Variants in HSF2BP observed in about 807,000 individuals in gnomAD.
HSF2BP encodes the protein heat shock transcription factor 2 binding protein, also known as heat shock factor 2-binding protein.
HSF2BP carries 35 observed loss-of-function variants against 35.0 expected under a neutral mutation model. That is an observed-to-expected ratio of 1.00 (90% CI 0.76 to 1.32). The LOEUF is 1.32. Ranked by LOEUF, HSF2BP falls within the 40% of genes most tolerant of loss-of-function variation. HSF2BP has a pLI of 0.00. For missense variants in HSF2BP, 326 were observed against 321.7 expected (o/e 1.01, Z -0.10); for synonymous variants, 114 against 117.4 (o/e 0.97, Z 0.18).
chr21:43,604,290 ACAC>A (rs1601651364), intron 7 of HSF2BP, among the ~76,000 whole-genome samples: 1 of 147,696 alleles, frequency 6.8e-6, no homozygotes, highest in African/African-American at 2.5e-5. Flanking sequence ...CACATCACAC[ACAC>A]CACACACACC....
chr21:43,629,702 T>C (rs561094088), intron 6 of HSF2BP, among the ~76,000 whole-genome samples: 49 of 152,304 alleles, frequency 3.2e-4, no homozygotes, highest in Non-Finnish European at 6.0e-4. Context: ...AAAGGATAAG[T>C]TGCTTCTTAT....
chr21:43,621,853 C>T (rs2146959125), intron 6 of HSF2BP, among the ~76,000 whole-genome samples: 1 of 152,142 alleles, frequency 6.6e-6, no homozygotes, highest in South Asian at 2.1e-4. Flanking sequence ...ATAAAACACA[C>T]TGGTACACAG....
At chr21:43,610,376 C>T (rs2082188370) in intron 7 of HSF2BP, among the ~76,000 whole-genome samples, 1 of 150,814 alleles carries the variant, frequency 6.6e-6, no homozygotes, top group African/African-American at 2.4e-5. Flanking sequence ...ATCACTTGAG[C>T]TTAGGAGTTT....
intron 7 of HSF2BP, among the ~76,000 whole-genome samples, chr21:43,613,123 CAG>C (rs2082229450): frequency 6.6e-6 from 1 of 152,174 alleles, no homozygotes; most frequent in African/African-American, 2.4e-5. Context: ...AGAATAAAAG[CAG>C]AGAGAGTTTC....
intron 6 of HSF2BP, among the ~76,000 whole-genome samples, chr21:43,622,328 G>A (rs944603340): frequency 5.3e-5 from 8 of 152,146 alleles, no homozygotes; most frequent in African/African-American, 1.9e-4. Context: ...CTTACTTATC[G>A]ATAGTAACAT....
At position 43,608,814 on chromosome 21, in the gene HSF2BP, T is replaced by A. The variant is rs541723607; in HGVS notation, c.692+5016A>T. 2.1e-3 allele frequency among the ~76,000 whole-genome samples: 314 copies of A among 150,332 alleles called. 2 individuals carry two copies. Among genetic ancestry groups the A allele is most frequent in the African/African-American group, 4.3e-3 (178 of 40,928 alleles). On this transcript the variant is annotated intron_variant, in intron 7 of 8. Transcript: ENST00000291560. ...CCTATCGCTACCAAAAAAAAAAAAATTTTTTTTAATTAGCCAGGCATGATG... is the reference window on the plus strand; with the variant it reads ...CCTATCGCTACCAAAAAAAAAAAAAATTTTTTTAATTAGCCAGGCATGATG...
chr21:43,606,314 A>C (rs1026254412), intron 7 of HSF2BP, among the ~76,000 whole-genome samples: 1 of 152,220 alleles, frequency 6.6e-6, no homozygotes, highest in Non-Finnish European at 1.5e-5. Context: ...CAGCTGTAGG[A>C]ACAGAGAAGA....
intron 5 of HSF2BP, among the ~76,000 whole-genome samples, chr21:43,632,783 G>A (rs533544848): frequency 5.3e-5 from 8 of 152,302 alleles, no homozygotes; most frequent in African/African-American, 1.7e-4. Context: ...CCAGCCAACA[G>A]TAGAGAGAGT....
intron 7 of HSF2BP, among the ~76,000 whole-genome samples, chr21:43,601,607 T>C (rs75206035): frequency 0.031 from 4,692 of 152,280 alleles, 103 homozygotes; most frequent in Non-Finnish European, 0.046. Flanking sequence ...GAAGAGCCGA[T>C]GTTCACAGCA....
At chr21:43,582,027 G>A (rs2081749025) in intron 8 of HSF2BP, among the ~76,000 whole-genome samples, 2 of 135,892 alleles carry the variant, frequency 1.5e-5, no homozygotes, top group Non-Finnish European at 3.1e-5. Context: ...GGGGATGAGG[G>A]CCTGCTGAGG....
chr21:43,496,005 T>C, the HSF2BP span, among the ~76,000 whole-genome samples: 1 of 123,998 alleles, frequency 8.1e-6, no homozygotes, highest in African/African-American at 3.1e-5. Context: ...CATCTCTCTC[T>C]CAAACACACG....
At chr21:43,590,811 C>A (rs932658302) in intron 8 of HSF2BP, among the ~76,000 whole-genome samples, 1 of 152,078 alleles carries the variant, frequency 6.6e-6, no homozygotes, top group Non-Finnish European at 1.5e-5. Context: ...CTAACTACAG[C>A]GCAGAAAGGA....
chr21:43,617,957 C>CA lies in HSF2BP; in HGVS notation c.575-4011dup, dbSNP rs776084719. Among the ~76,000 whole-genome samples, 6 of 149,952 alleles carry CA rather than the reference C, an allele frequency of 4.0e-5. No individual in the cohort carries two copies. In the South Asian group the frequency reaches 1.3e-3, roughly 32 times the overall value. On this transcript the variant is annotated intron_variant, in intron 6 of 8. Transcript: ENST00000291560. The stretch of plus-strand genomic sequence containing the variant: ...CAACAGAGCAAAACTCAGTCTCAAA[C>CA]AAAAAAGGAAATAAATCTGGGCCAA...
At position 43,656,844 on chromosome 21, in the gene HSF2BP, C is replaced by G. The variant is rs989418194; in HGVS notation, c.37-107G>C. 21 of 859,306 alleles carry G rather than the reference C, an allele frequency of 2.4e-5. No individual in the cohort carries two copies. In the African/African-American group the frequency reaches 3.5e-4, roughly 15 times the overall value. 53.2% of individuals were successfully genotyped at this position (859,306 alleles called of 1,614,324 possible). On this transcript the variant is annotated intron_variant, in intron 2 of 8. Transcript: ENST00000291560. ...ACACCTCTTATGTGCATCGTTGTTT[C>G]AAATCATGTCTCTACCTACTGTATA...
intron 6 of HSF2BP, among the ~76,000 whole-genome samples, chr21:43,628,370 G>A (rs2082414183): frequency 6.6e-6 from 1 of 152,198 alleles, no homozygotes; most frequent in East Asian, 1.9e-4. Context: ...TATGGAGAAA[G>A]CCCAAGTATT....
intron 6 of HSF2BP, among the ~76,000 whole-genome samples, chr21:43,623,775 G>C (rs764927809): frequency 2.0e-5 from 3 of 152,132 alleles, no homozygotes; most frequent in Non-Finnish European, 4.4e-5. Context: ...CCTGACAGAT[G>C]ATTCAACAGG....
At position 43,632,235 on chromosome 21, in the gene HSF2BP, T is replaced by TCACA. The variant is rs148478106; in HGVS notation, c.441+1033_441+1036dup. Among the ~76,000 whole-genome samples, 293 of 32,346 alleles carry TCACA rather than the reference T, an allele frequency of 9.1e-3. 12 individuals carry two copies. Among genetic ancestry groups the TCACA allele is most frequent in the African/African-American group, 0.022 (140 of 6,234 alleles). The allele number at this position is 32,346 out of a possible 152,430, so 21.2% of individuals were successfully genotyped here. On this transcript the variant is annotated intron_variant, in intron 5 of 8. Transcript: ENST00000291560. ...CACATACGATCCCACATACACAGGCTCACACACACACACACACACTCCCCC... is the reference window on the plus strand; with the variant it reads ...CACATACGATCCCACATACACAGGCTCACACACACACACACACACACACTCCCCC...
In HSF2BP at chr21:43,591,685, A is replaced by T. The variant is rs192648607; in HGVS notation, c.796+540T>A. 3.8e-3 allele frequency among the ~76,000 whole-genome samples: 584 copies of T among 152,374 alleles called. 3 individuals are homozygous for T. The highest frequency in any genetic ancestry group is 0.01 in the Middle Eastern group (3 of 294). On this transcript the variant is annotated intron_variant, in intron 8 of 8. Transcript: ENST00000291560. ...TCTTATCCACAGTTTCACCTTCCAC[A>T]GTTTCACTTAGCCAGTCAACCATGG...
In HSF2BP at chr21:43,597,050, A is replaced by C. The variant is rs1212129209; in HGVS notation, c.693-4722T>G. Among the ~76,000 whole-genome samples, 2 of 152,152 alleles carry C rather than the reference A, an allele frequency of 1.3e-5. No homozygotes were observed. Among genetic ancestry groups the C allele is most frequent in the Non-Finnish European group, 2.9e-5 (2 of 68,028 alleles). On this transcript the variant is annotated intron_variant, in intron 7 of 8. Coordinates refer to ENST00000291560, the MANE Select transcript of HSF2BP (RefSeq NM_007031.2). The surrounding 1 kb of genome is among the most constrained non-coding windows in gnomAD (Gnocchi z 4.3). ...GTCCAGGGTCACCAGGGTGGAAAGA[A>C]AGGGAAGAAGATACCTAGAAAGGAG...
Sources: allele counts gnomAD v4.1 joint callset (sites outside exome capture counted in the v4.1 genomes callset), GRCh38; gene constraint gnomAD v4.1.1; non-coding constraint Gnocchi (gnomAD v3.1); transcripts MANE v1.5; gene names NCBI Gene and HGNC (gene_info 2026-07-23, HGNC 2026-07-21).